MRPS2: variants seen among roughly 807,000 people sequenced by gnomAD.
MRPS2 encodes the protein small ribosomal subunit protein uS2m.
Under a neutral mutation model 18.9 loss-of-function variants are expected in MRPS2, and 13 were observed. The ratio of observed to expected loss-of-function variants is 0.69; its 90% CI spans 0.45 to 1.09. MRPS2 has a LOEUF of 1.09. Among genes scored for constraint, MRPS2 ranks in the 50% least tolerant of loss-of-function variants. The pLI, the probability that MRPS2 is intolerant of heterozygous loss-of-function variation, is 0.00. For missense variants in MRPS2, 389 were observed against 421.7 expected, an observed-to-expected ratio of 0.92 and a Z score of 0.68; for synonymous variants, 186 against 178.4, an observed-to-expected ratio of 1.04 and a Z score of -0.34.
In MRPS2 at chr9:135,504,057, G is replaced by T. The variant is rs111392067; in HGVS notation, c.815G>T (p.Arg272Leu). Residue 272 changes from arginine (R) to leucine (L), a missense_variant, in exon 4 of 4, where the codon CGC becomes CTC. Physicochemically the swap from Arg to Leu is moderately radical, Grantham distance 102 (BLOSUM62 -2). Coordinates refer to ENST00000241600, the MANE Select transcript of MRPS2 (RefSeq NM_016034.5). This position sits in a 1 kb window ranked among gnomAD's most constrained non-coding sequence, Gnocchi z 4.3. Reference protein sequence around the residue: ...EKRQQVEALYRLQGQKEPGDQ... With the variant: ...EKRQQVEALYLLQGQKEPGDQ... ...CGGCAGCAGGTTGAGGCTCTCTATC[G>T]CCTGCAGGGCCAGAAGGAGCCCGGG... is the stretch of plus-strand genomic sequence containing the variant. The T allele has an allele frequency of 1.9e-5, 31 of 1,612,808 alleles. No individual in the cohort carries two copies. The highest frequency in any genetic ancestry group is 2.3e-5 in the Non-Finnish European group (27 of 1,180,016).
chr9:135,503,905 C>T lies in MRPS2; in HGVS notation c.663C>T (p.Gly221=), dbSNP rs1180804403. The change falls in exon 4 of 4, where the codon GGC becomes GGT. Residue 221 remains glycine, a synonymous_variant. Transcript: ENST00000241600. ...DAAKMNIPTV[G]IVDTNCNPCL... ...CCAAGATGAACATCCCCACAGTGGG[C>T]ATCGTGGACACCAACTGCAACCCCT... 1 of 1,614,076 alleles carries T rather than the reference C, an allele frequency of 6.2e-7. No individual in the cohort carries two copies. Among genetic ancestry groups the T allele is most frequent in the Non-Finnish European group, 8.5e-7 (1 of 1,180,050 alleles).
At position 135,500,758 on chromosome 9, in the gene MRPS2, G is replaced by C. The variant is rs751467059; in HGVS notation, c.43+5G>C. 7.2e-5 allele frequency: 107 copies of C among 1,476,664 alleles called. No individual in the cohort carries two copies. Among genetic ancestry groups the C allele is most frequent in the Non-Finnish European group, 9.4e-5 (105 of 1,120,670 alleles). 91.5% of individuals were successfully genotyped at this position (1,476,664 alleles called of 1,614,324 possible). On this transcript the variant is annotated splice_donor_5th_base_variant and intron_variant, in intron 1 of 3. Transcript: ENST00000241600. The stretch of plus-strand genomic sequence containing the variant: ...TGCCCCGAATACTCGGCGCGGGTGA[G>C]CGCGCGCTTGCGGGACCCTGGGGAG...
intron 3 of MRPS2, 110 bp from the exon 4 acceptor site, chr9:135,503,432 C>G: frequency 2.9e-6 from 4 of 1,396,670 alleles, no homozygotes; most frequent in South Asian, 3.0e-5. Context: ...CCATAGTGCC[C>G]CCACAGAGGA....
At chr9:135,502,490 C>A in intron 3 of MRPS2, 1 of 185,014 alleles carries the variant, frequency 5.4e-6, no homozygotes, top group Non-Finnish European at 1.1e-5. Flanking sequence ...GGCAGCAGGG[C>A]AGAGCCAGTG....
intron 1 of MRPS2, 107 bp from the exon 2 acceptor site, chr9:135,500,891 C>T (rs760150884): frequency 5.1e-6 from 8 of 1,555,210 alleles, no homozygotes; most frequent in Non-Finnish European, 6.1e-6. Flanking sequence ...CGCGGGGACG[C>T]GGAGGGGACC....
intron 1 of MRPS2, 80 bp from the exon 2 acceptor site, chr9:135,500,918 G>A (rs556206946): frequency 0.013 from 20,334 of 1,587,552 alleles, 163 homozygotes; most frequent in Non-Finnish European, 0.016. Flanking sequence ...GGACGCGGAG[G>A]GGCCCGTTGG....
chr9:135,503,731 C>T lies in MRPS2; in HGVS notation c.489C>T (p.Gly163=), dbSNP rs200121042. The change falls in exon 4 of 4, where the codon GGC becomes GGT. Residue 163 remains glycine (G), a synonymous_variant. Coordinates refer to ENST00000241600, the MANE Select transcript of MRPS2 (RefSeq NM_016034.5). ...YLIENMARDC[G]EYAHTRYFRG... is the part of the protein sequence containing the mutation. Reference sequence around the variant, plus strand: ...TTGAGAACATGGCCCGTGACTGTGGCGAGTACGCCCACACTCGCTACTTCA... The same window carrying T: ...TTGAGAACATGGCCCGTGACTGTGGTGAGTACGCCCACACTCGCTACTTCA... The T allele has an allele frequency of 1.2e-5, 19 of 1,613,140 alleles. No homozygotes were observed. The highest frequency in any genetic ancestry group is 3.3e-5 in the South Asian group (3 of 91,088).
chr9:135,501,399 G>T, intron 2 of MRPS2: 1 of 1,264,896 alleles, frequency 7.9e-7, no homozygotes, highest in Non-Finnish European at 1.0e-6. Context: ...GACCACCGAG[G>T]CCCGGAGCCC....
chr9:135,504,274 A>G lies in MRPS2; in HGVS notation c.*141A>G, dbSNP rs3748200. ...CAGTGCAGACATCCACCGTTCCACCACAGAACCAGTGGCTGAGCGGACCAA... is the reference window on the plus strand; with the variant it reads ...CAGTGCAGACATCCACCGTTCCACCGCAGAACCAGTGGCTGAGCGGACCAA... On this transcript the variant is annotated 3_prime_UTR_variant, in exon 4 of 4. Coordinates refer to ENST00000241600, the MANE Select transcript of MRPS2 (RefSeq NM_016034.5). The surrounding 1 kb of genome is among the most constrained non-coding windows in gnomAD (Gnocchi z 4.3). 10 of 822,252 alleles carry G rather than the reference A, an allele frequency of 1.2e-5. No homozygotes were observed. Among genetic ancestry groups the G allele is most frequent in the Non-Finnish European group, 1.7e-5 (9 of 539,400 alleles). 50.9% of individuals were successfully genotyped at this position (822,252 alleles called of 1,614,324 possible).
Position 135,501,085 on chromosome 9 carries a change from C to T in MRPS2, c.131C>T (p.Ala44Val), listed in dbSNP as rs1221040048. Residue 44 changes from alanine (A) to valine (V), a missense_variant, in exon 2 of 4, where the codon GCG (alanine) becomes GTG (valine). By Grantham distance (64) the Ala-to-Val change is moderately conservative (BLOSUM62 0). Transcript: ENST00000241600. Reference sequence around the variant, plus strand: ...CCGAGCCGCAGGACGCTTGGAAGCGCGACGGCCCTTATGATCCGCGAGTCG... The same window carrying T: ...CCGAGCCGCAGGACGCTTGGAAGCGTGACGGCCCTTATGATCCGCGAGTCG... The part of the protein sequence containing the change: ...ARPSRRTLGS[A>V]TALMIRESED... The T allele has an allele frequency of 6.2e-7, 1 of 1,608,540 alleles. No individual in the cohort carries two copies. Among genetic ancestry groups the T allele is most frequent in the Non-Finnish European group, 8.5e-7 (1 of 1,178,296 alleles).
At chr9:135,501,744 A>T in intron 2 of MRPS2, 100 bp from the exon 3 acceptor site, 1 of 1,543,178 alleles carries the variant, frequency 6.5e-7, no homozygotes, top group Non-Finnish European at 8.7e-7. Flanking sequence ...CCTCGGTGTC[A>T]CAGAAGGCAC....
chr9:135,500,649 C>A, upstream of MRPS2: 1 of 1,397,390 alleles, frequency 7.2e-7, no homozygotes, highest in East Asian at 2.9e-5. Context: ...CGGATGGCGA[C>A]GGAAGGGGAG....
rs772113321 is a variant in MRPS2, at chr9:135,502,443, G to A, written c.299+470G>A. The A allele has an allele frequency of 4.7e-5, 12 of 253,674 alleles. No homozygotes were observed. In the East Asian group the frequency reaches 8.5e-4, roughly 18 times the overall value. 15.7% of individuals were successfully genotyped at this position (253,674 alleles called of 1,614,324 possible). On this transcript the variant is annotated intron_variant, in intron 3 of 3. Transcript: ENST00000241600. ...GGGTGAAGGTGGCGGGGCTTAAATC[G>A]CAGTAGCGGAAGAGCTGGAGCAGCA...
Position 135,501,989 on chromosome 9 carries a change from A to C in MRPS2, c.299+16A>C, listed in dbSNP as rs773258774. On this transcript the variant is annotated intron_variant, in intron 3 of 3. Transcript: ENST00000241600. Reference sequence around the variant, plus strand: ...GTCGGCACAGGTAGGTGACACCCCCATCTGAGCCCGGGGCGGTTCCCAGGA... The same window carrying C: ...GTCGGCACAGGTAGGTGACACCCCCCTCTGAGCCCGGGGCGGTTCCCAGGA... 17 of 1,612,820 alleles carry C rather than the reference A, an allele frequency of 1.1e-5. No individual in the cohort carries two copies. The Admixed American group carries it at 2.7e-4, about 25-fold the overall frequency.
chr9:135,501,169 C>T (rs1831116582), intron 2 of MRPS2, 46 bp downstream of exon 2: 1 of 1,531,352 alleles, frequency 6.5e-7, no homozygotes, highest in African/African-American at 1.4e-5. Context: ...GAGGAGAGGC[C>T]GGCAGCCGCG....
In MRPS2 at chr9:135,504,525, G is replaced by A. The variant is rs558163637; in HGVS notation, c.*392G>A. 17 of 187,622 alleles carry A rather than the reference G, an allele frequency of 9.1e-5. No individual in the cohort carries two copies. The South Asian group carries it at 2.3e-3, about 25-fold the overall frequency. 11.6% of individuals were successfully genotyped at this position (187,622 alleles called of 1,614,324 possible). On this transcript the variant is annotated 3_prime_UTR_variant, in exon 4 of 4. Coordinates refer to ENST00000241600, the MANE Select transcript of MRPS2 (RefSeq NM_016034.5). The surrounding 1 kb of genome is among the most constrained non-coding windows in gnomAD (Gnocchi z 4.3). ...AATCTAAATGCCTTTCAGGTGGGCC[G>A]CTTCCTTGGCTACCTGGTTCCAGGG...
chr9:135,503,966 T>C lies in MRPS2; in HGVS notation c.724T>C (p.Ser242Pro), dbSNP rs373765483. 2.5e-6 allele frequency: 4 copies of C among 1,613,772 alleles called. No individual in the cohort carries two copies. Among genetic ancestry groups the C allele is most frequent in the Non-Finnish European group, 3.4e-6 (4 of 1,180,034 alleles). ...ITYPVPGNDDSPLAVHLYCRL... is the reference protein window; with the variant it reads ...ITYPVPGNDDPPLAVHLYCRL... ...CTACCCTGTACCCGGCAATGACGAC[T>C]CTCCGCTGGCTGTGCACCTCTACTG... Residue 242 changes from serine (S) to proline (P), a missense_variant, in exon 4 of 4, where the codon TCT (serine) becomes CCT (proline). By Grantham distance (74) the Ser-to-Pro change is moderately conservative. Coordinates refer to ENST00000241600, the MANE Select transcript of MRPS2 (RefSeq NM_016034.5).
chr9:135,500,582 C>G (rs570270919), upstream of MRPS2: 6 of 1,077,890 alleles, frequency 5.6e-6, no homozygotes, highest in African/African-American at 1.0e-4. Context: ...AGGTCCCAGC[C>G]GCCTGGGGAC....
intron 3 of MRPS2, chr9:135,502,350 A>C: frequency 4.9e-6 from 3 of 616,650 alleles, no homozygotes; most frequent in Non-Finnish European, 6.2e-6. Context: ...GGTCATTTTG[A>C]CTGCTGTGGG....
Sources: allele counts gnomAD v4.1 joint callset, GRCh38; gene constraint gnomAD v4.1.1; non-coding constraint Gnocchi (gnomAD v3.1); transcripts MANE v1.5; gene names NCBI Gene and HGNC (gene_info 2026-07-23, HGNC 2026-07-21).